Variants in IGF2R observed in about 807,000 individuals in gnomAD.
The protein encoded by IGF2R is cation-independent mannose-6-phosphate receptor.
A neutral mutation model predicts 270.6 loss-of-function variants in IGF2R; 91 were observed. The ratio of observed to expected loss-of-function variants is 0.34; its 90% CI spans 0.28 to 0.40. IGF2R has a LOEUF of 0.40. Among genes scored for constraint, IGF2R ranks in the 10% least tolerant of loss-of-function variants. The pLI, the probability that IGF2R is intolerant of heterozygous loss-of-function variation, is 1.00. For missense variants in IGF2R, 2,805 were observed against 3,188.3 expected (o/e 0.88, Z 2.90); for synonymous variants, 1,316 against 1,258.9 (o/e 1.05, Z -0.96).
intron 22 of IGF2R, 63 bp downstream of exon 22, chr6:160,059,161 T>C (rs972574690): frequency 2.2e-6 from 3 of 1,377,632 alleles, no homozygotes; most frequent in African/African-American, 2.9e-5. Context: ...TGGCTGGCCA[T>C]GCACCTTCCT....
At chr6:160,072,970 G>A (rs2115275457) in intron 33 of IGF2R, 86 bp downstream of exon 33, 1 of 1,518,946 alleles carries the variant, frequency 6.6e-7, no homozygotes, top group Non-Finnish European at 8.8e-7. Flanking sequence ...ATGGCAAAAA[G>A]GATGAGCAGA....
chr6:160,030,863 G>A (rs965800798), intron 7 of IGF2R, among the ~76,000 whole-genome samples: 4 of 145,312 alleles, frequency 2.8e-5, no homozygotes, highest in Non-Finnish European at 4.5e-5. Context: ...TTGCTCTGTC[G>A]CCCCGGCCGG....
chr6:160,089,825 GC>G, intron 43 of IGF2R, 90 bp from the exon 44 acceptor site: 1 of 856,282 alleles, frequency 1.2e-6, no homozygotes, highest in African/African-American at 1.7e-5. Flanking sequence ...GCATCCTGGG[GC>G]CCTGCAGTGA....
chr6:160,086,992 C>T (rs951416592), intron 41 of IGF2R, among the ~76,000 whole-genome samples: 12 of 152,056 alleles, frequency 7.9e-5, no homozygotes, highest in Non-Finnish European at 1.5e-4. Flanking sequence ...CCAGAACAGC[C>T]CCCTGCGCAG....
intron 12 of IGF2R, 136 bp downstream of exon 12, chr6:160,043,424 A>T (rs1306658168): frequency 2.9e-6 from 3 of 1,035,104 alleles, no homozygotes; most frequent in Non-Finnish European, 4.1e-6. Context: ...AAAATTTTTC[A>T]TTCATAACTC....
intron 2 of IGF2R, among the ~76,000 whole-genome samples, chr6:159,999,755 G>A (rs1299494782): frequency 1.1e-4 from 16 of 152,096 alleles, no homozygotes; most frequent in Admixed American, 9.8e-4. Flanking sequence ...TGTCTCTTAC[G>A]AAACAAAGTT....
At chr6:160,067,572 A>G (rs542220235) in intron 29 of IGF2R, among the ~76,000 whole-genome samples, 3 of 152,298 alleles carry the variant, frequency 2.0e-5, no homozygotes, top group African/African-American at 7.2e-5. Context: ...TTTTGAATGA[A>G]TGACCAGTTT....
At position 160,056,544 on chromosome 6, in the gene IGF2R, G is replaced by A; in HGVS notation, c.2796+19G>A. On this transcript the variant is annotated intron_variant, in intron 20 of 47. Transcript: ENST00000356956. Reference sequence around the variant, plus strand: ...AGACCAGGTACGTGTGCTTTCACCTGGCCCTCGTGCTGAGCTGCCTGCTGG... The same window carrying A: ...AGACCAGGTACGTGTGCTTTCACCTAGCCCTCGTGCTGAGCTGCCTGCTGG... 1 of 1,536,554 alleles carries A rather than the reference G, an allele frequency of 6.5e-7. No homozygotes were observed. The highest frequency in any genetic ancestry group is 9.0e-7 in the Non-Finnish European group (1 of 1,109,574).
chr6:160,084,938 T>C lies in IGF2R; in HGVS notation c.6069-57T>C. ...AAGTAAAGTGAAGAGCCCTCCTGTG[T>C]CAGGGCAGAGACGTCACTTGCATGC... On this transcript the variant is annotated intron_variant, in intron 40 of 47. Transcript: ENST00000356956. The surrounding 1 kb of genome is among the most constrained non-coding windows in gnomAD (Gnocchi z 4.6). The C allele has an allele frequency of 6.4e-7, 1 of 1,551,772 alleles. No individual in the cohort carries two copies. Among genetic ancestry groups the C allele is most frequent in the Non-Finnish European group, 8.8e-7 (1 of 1,134,890 alleles).
chr6:160,102,337 C>A lies in IGF2R; in HGVS notation c.6843-182C>A, dbSNP rs185653030. Reference sequence around the variant, plus strand: ...CCTGCCACAAACTCATCATCAGGAACTTTTTGCAGCCCTCTTCCATGTGGA... The same window carrying A: ...CCTGCCACAAACTCATCATCAGGAAATTTTTGCAGCCCTCTTCCATGTGGA... On this transcript the variant is annotated intron_variant, in intron 45 of 47. Transcript: ENST00000356956. This position sits in a 1 kb window ranked among gnomAD's most constrained non-coding sequence, Gnocchi z 4.5. Among the ~76,000 whole-genome samples the A allele has an allele frequency of 3.2e-3, 489 of 152,338 alleles. 4 individuals are homozygous for A. The highest frequency in any genetic ancestry group is 2.5e-3 in the Non-Finnish European group (172 of 68,032).
At chr6:160,000,726 T>G (rs974973096) in intron 2 of IGF2R, among the ~76,000 whole-genome samples, 2 of 130,582 alleles carry the variant, frequency 1.5e-5, no homozygotes, top group African/African-American at 5.8e-5. Flanking sequence ...TGGTGTGAGG[T>G]TGTTTTTTTT....
intron 1 of IGF2R, among the ~76,000 whole-genome samples, chr6:159,980,297 A>G (rs370275907): frequency 1.6e-4 from 25 of 152,212 alleles, no homozygotes; most frequent in African/African-American, 5.5e-4. Context: ...TCCCTAGGTG[A>G]GGGTTGCAGT....
rs566449053 is a variant in IGF2R at position 160,045,649 on chromosome 6, T to A, written c.1766-96T>A. On this transcript the variant is annotated intron_variant, in intron 13 of 47. Coordinates refer to ENST00000356956, the MANE Select transcript of IGF2R (RefSeq NM_000876.4). ...CTATGCATTATACCTCATTTCCCAC[T>A]GTCCCTTCCAAGTCTACTTCTAGCA... is the stretch of plus-strand genomic sequence containing the variant. 9 of 1,471,772 alleles carry A rather than the reference T, an allele frequency of 6.1e-6. No homozygotes were observed. In the Admixed American group the frequency reaches 1.3e-4, roughly 22 times the overall value. 91.2% of individuals were successfully genotyped at this position (1,471,772 alleles called of 1,614,324 possible). A position where few individuals can be genotyped will look rare whatever the true frequency, so the allele number is the denominator to read the frequency against.
At chr6:160,079,904 T>C in intron 38 of IGF2R, 117 bp downstream of exon 38, 3 of 1,034,994 alleles carry the variant, frequency 2.9e-6, no homozygotes, top group Non-Finnish European at 4.2e-6. Context: ...GCTGTAACCT[T>C]GGGCGTGAAT....
At chr6:160,040,799 G>A in intron 11 of IGF2R, 75 bp downstream of exon 11, 1 of 1,448,278 alleles carries the variant, frequency 6.9e-7, no homozygotes, top group Non-Finnish European at 9.4e-7. Context: ...TTTTGGAAAT[G>A]CGGTTACTAT....
Position 160,064,910 on chromosome 6 carries a change from A to G in IGF2R, c.4115+9A>G. The stretch of plus-strand genomic sequence containing the variant: ...ACTGAATGTTCATTCAAGTAAGTCC[A>G]TGGATGTGTTGTCTCTTTTGGACAG... On this transcript the variant is annotated intron_variant, in intron 29 of 47. Transcript: ENST00000356956. 1 of 1,577,498 alleles carries G rather than the reference A, an allele frequency of 6.3e-7. No homozygotes were observed.
Position 160,009,218 on chromosome 6 carries a change from G to A in IGF2R, c.414+84G>A. 3.2e-6 allele frequency: 4 copies of A among 1,231,700 alleles called. No homozygotes were observed. The South Asian group carries it at 6.7e-5, about 21-fold the overall frequency. 76.3% of individuals were successfully genotyped at this position (1,231,700 alleles called of 1,614,324 possible). On this transcript the variant is annotated intron_variant, in intron 3 of 47. Coordinates refer to ENST00000356956, the MANE Select transcript of IGF2R (RefSeq NM_000876.4). Reference sequence around the variant, plus strand: ...TGTTCTGGCTGTAGAGGTATTCCAGGAAGAATCAGTGAGCAAACTTAGAAA... The same window carrying A: ...TGTTCTGGCTGTAGAGGTATTCCAGAAAGAATCAGTGAGCAAACTTAGAAA...
At chr6:160,000,091 A>G (rs1248110406) in intron 2 of IGF2R, among the ~76,000 whole-genome samples, 1 of 152,266 alleles carries the variant, frequency 6.6e-6, no homozygotes, top group Non-Finnish European at 1.5e-5. Context: ...TGGCAAAGTC[A>G]AAGAACAGGT....
At chr6:160,054,886 C>T (rs1222884235) in intron 19 of IGF2R, among the ~76,000 whole-genome samples, 3 of 152,142 alleles carry the variant, frequency 2.0e-5, no homozygotes, top group Non-Finnish European at 4.4e-5. Context: ...TTCCTCAAGC[C>T]CCACTGAAAT....
Sources: allele counts gnomAD v4.1 joint callset (sites outside exome capture counted in the v4.1 genomes callset), GRCh38; gene constraint gnomAD v4.1.1; non-coding constraint Gnocchi (gnomAD v3.1); transcripts MANE v1.5; gene names NCBI Gene and HGNC (gene_info 2026-07-23, HGNC 2026-07-21).